Variants in MARCHF1 observed in about 807,000 individuals in gnomAD.
The protein encoded by MARCHF1 is E3 ubiquitin-protein ligase MARCHF1.
MARCHF1 carries 40 observed loss-of-function variants against 54.2 expected under a neutral mutation model. That is an observed-to-expected ratio of 0.74 (90% confidence interval 0.57 to 0.96). The LOEUF is 0.96. Among genes scored for constraint, MARCHF1 ranks in the 40% least tolerant of loss-of-function variants. The probability of loss-of-function intolerance (pLI) is 0.00; values close to 1 mark genes in which losing one functional copy is unlikely to be tolerated. For synonymous variants in MARCHF1, 236 were observed against 236.3 expected, an observed-to-expected ratio of 1.00 and a Z score of 0.01; for missense variants, 586 against 656.5, an observed-to-expected ratio of 0.89 and a Z score of 1.17.
chr4:164,032,978 T>C (rs1317740400), intron 2 of MARCHF1, among the ~76,000 whole-genome samples: 2 of 152,004 alleles, frequency 1.3e-5, no homozygotes, highest in Non-Finnish European at 2.9e-5. Context: ...TGCAACAGAA[T>C]AGAGACCTCA....
intron 5 of MARCHF1, among the ~76,000 whole-genome samples, chr4:163,698,343 T>G (rs566575596): frequency 6.6e-6 from 1 of 152,200 alleles, no homozygotes; most frequent in Non-Finnish European, 1.5e-5. Flanking sequence ...CAATGAATAG[T>G]TTTCCACTTA....
At position 164,197,352 on chromosome 4, in the gene MARCHF1, C is replaced by G. The variant is rs1731302664; in HGVS notation, c.-322-85690G>C. 4.3e-6 allele frequency: 7 copies of G among 1,612,708 alleles called. No individual in the cohort carries two copies. In the East Asian group the frequency reaches 1.3e-4, roughly 31 times the overall value. On this transcript the variant is annotated intron_variant, in intron 1 of 9. Transcript: ENST00000514618. ...CTCCGTAGTCGTTCAGGTTGGTTAC[C>G]TCGCAATTGAAAAGGTCTAAGCTCT... is the stretch of plus-strand genomic sequence containing the variant.
In MARCHF1 at chr4:163,613,372, T is replaced by C; in HGVS notation, c.184A>G (p.Thr62Ala). 1 of 1,613,276 alleles carries C rather than the reference T, an allele frequency of 6.2e-7. No individual in the cohort carries two copies. The highest frequency in any genetic ancestry group is 8.5e-7 in the Non-Finnish European group (1 of 1,179,524). Residue 62 changes from threonine to alanine, a missense_variant, in exon 6 of 10, where the codon ACA becomes GCA. Thr to Ala is a moderately conservative substitution (Grantham distance 58). Transcript: ENST00000514618. Reference sequence around the variant, plus strand: ...AACCTTGACTGGCTCCTGGGAGCTGTCCCTGTTGTTGGGCTGCTTGCCTGG... The same window carrying C: ...AACCTTGACTGGCTCCTGGGAGCTGCCCCTGTTGTTGGGCTGCTTGCCTGG... ...ISKASSPTTG[T>A]APRSQSRLSV...
intron 5 of MARCHF1, among the ~76,000 whole-genome samples, chr4:163,615,582 TAA>T (rs5863618): frequency 3.3e-5 from 5 of 151,102 alleles, no homozygotes; most frequent in Non-Finnish European, 7.4e-5. Flanking sequence ...TGAAGAGGAA[TAA>T]AAAAAAATGA....
At chr4:164,091,651 C>T (rs1755304591) in intron 2 of MARCHF1, among the ~76,000 whole-genome samples, 1 of 151,764 alleles carries the variant, frequency 6.6e-6, no homozygotes, top group South Asian at 2.1e-4. Context: ...TAAAAGATCA[C>T]CTATCTACAA....
At chr4:164,270,885 GA>G (rs1174586173) in intron 1 of MARCHF1, among the ~76,000 whole-genome samples, 1 of 152,026 alleles carries the variant, frequency 6.6e-6, no homozygotes, top group Admixed American at 6.6e-5. Flanking sequence ...AATGTGTATA[GA>G]AGACCAAAGG....
At chr4:164,162,346 A>T (rs1730260138) in intron 1 of MARCHF1, among the ~76,000 whole-genome samples, 1 of 152,182 alleles carries the variant, frequency 6.6e-6, no homozygotes, top group African/African-American at 2.4e-5. Context: ...TATGAAAGGC[A>T]GGTTAAGTGT....
At chr4:163,783,640 T>C (rs922736561) in intron 4 of MARCHF1, among the ~76,000 whole-genome samples, 22 of 152,194 alleles carry the variant, frequency 1.4e-4, no homozygotes, top group Non-Finnish European at 2.5e-4. Context: ...TGCAGAAAAA[T>C]GTCAAATTAT....
At chr4:164,373,411 A>G (rs1432760755) in intron 1 of MARCHF1, among the ~76,000 whole-genome samples, 2 of 147,384 alleles carry the variant, frequency 1.4e-5, no homozygotes, top group Non-Finnish European at 1.5e-5. Flanking sequence ...CTAGAATACA[A>G]TGGCACAATC....
chr4:163,994,582 T>TA (rs762551948), intron 2 of MARCHF1, among the ~76,000 whole-genome samples: 3 of 151,476 alleles, frequency 2.0e-5, no homozygotes, highest in Non-Finnish European at 4.4e-5. Flanking sequence ...TAATAACATT[T>TA]AAAAAAAAGA....
intron 1 of MARCHF1, among the ~76,000 whole-genome samples, chr4:164,194,976 C>A (rs1458600310): frequency 6.6e-6 from 1 of 151,806 alleles, no homozygotes; most frequent in Non-Finnish European, 1.5e-5. Context: ...ACCCCCACCC[C>A]CTGACAGGCC....
chr4:164,012,204 T>C (rs2110945146), intron 2 of MARCHF1, among the ~76,000 whole-genome samples: 1 of 152,186 alleles, frequency 6.6e-6, no homozygotes, highest in East Asian at 1.9e-4. Flanking sequence ...GGCAGGGAAC[T>C]TGGGGTGCAA....
chr4:164,049,821 T>G (rs1754321042), intron 2 of MARCHF1, among the ~76,000 whole-genome samples: 2 of 152,182 alleles, frequency 1.3e-5, no homozygotes, highest in South Asian at 4.1e-4. Flanking sequence ...ACTATTTCCT[T>G]GCATTTTATG....
chr4:163,910,651 T>C (rs1224474648), intron 3 of MARCHF1, among the ~76,000 whole-genome samples: 1 of 152,110 alleles, frequency 6.6e-6, no homozygotes, highest in Non-Finnish European at 1.5e-5. Flanking sequence ...CCCACCACCA[T>C]GCCCAGCTAA....
At chr4:163,673,997 G>A (rs1390763461) in intron 5 of MARCHF1, among the ~76,000 whole-genome samples, 2 of 152,006 alleles carry the variant, frequency 1.3e-5, no homozygotes, top group Non-Finnish European at 2.9e-5. Context: ...GTCCACCCTG[G>A]GCAACTCCTC....
At chr4:163,969,081 G>T (rs935646470) in intron 3 of MARCHF1, among the ~76,000 whole-genome samples, 1 of 152,150 alleles carries the variant, frequency 6.6e-6, no homozygotes, top group African/African-American at 2.4e-5. Context: ...GGTGAGTTTG[G>T]ACAGCAGCTC....
rs1749706462 is a variant in MARCHF1 at position 163,854,074 on chromosome 4, G to A, written c.58C>T (p.Arg20Ter). ...RNPHRIPNNT[R>*]TPEISGDLAD... is the part of the protein sequence containing the mutation. ...AAATCCCCTGAGATCTCGGGTGTTC[G>A]CGTGTTGTTTGGAATTCTGTGAGGG... Residue 20 changes from arginine (R) to a stop codon, truncating the protein, a stop_gained, in exon 4 of 10, where the codon CGA becomes TGA. Transcript: ENST00000514618. LOFTEE classifies it high-confidence loss of function. 2.0e-6 allele frequency: 3 copies of A among 1,536,814 alleles called. No homozygotes were observed. The highest frequency in any genetic ancestry group is 2.6e-6 in the Non-Finnish European group (3 of 1,146,664).
intron 1 of MARCHF1, among the ~76,000 whole-genome samples, chr4:164,145,623 C>T (rs1729661286): frequency 6.6e-6 from 1 of 152,160 alleles, no homozygotes; most frequent in African/African-American, 2.4e-5. Flanking sequence ...AATTCAACAA[C>T]CTTCATGCCA....
At chr4:164,099,298 T>C (rs1180602046) in intron 2 of MARCHF1, among the ~76,000 whole-genome samples, 1 of 152,234 alleles carries the variant, frequency 6.6e-6, no homozygotes, top group East Asian at 1.9e-4. Context: ...TTTCCATTTA[T>C]TTAATAAGAG....
Sources: gnomAD v4.1 joint callset for allele counts (sites outside exome capture counted in the v4.1 genomes callset) on GRCh38, gnomAD v4.1.1 for gene constraint, MANE v1.5 for transcripts, NCBI Gene and HGNC (gene_info 2026-07-23, HGNC 2026-07-21) for gene names.